The following ANK2 variants were observed in gnomAD, a reference collection of about 807,000 sequenced individuals.
The protein encoded by ANK2 is ankyrin-2.
ANK2 carries 83 observed loss-of-function variants against 360.5 expected under a neutral mutation model. That is an observed-to-expected ratio of 0.23 (90% CI 0.19 to 0.28). The LOEUF (loss-of-function observed/expected upper bound fraction) is 0.28, where lower values mean the gene tolerates loss of function less well. Ranked by LOEUF, ANK2 falls within the 10% of genes least tolerant of loss-of-function variation. The pLI, the probability that ANK2 is intolerant of heterozygous loss-of-function variation, is 1.00. For synonymous variants in ANK2, 1,740 were observed against 1,759.5 expected, an observed-to-expected ratio of 0.99 and a Z score of 0.28; for missense variants, 4,201 against 4,795.7, an observed-to-expected ratio of 0.88 and a Z score of 3.66.
chr4:112,857,258 A>G (rs528885087), intron 1 of ANK2, among the ~76,000 whole-genome samples: 3 of 152,320 alleles, frequency 2.0e-5, no homozygotes, highest in East Asian at 1.9e-4. Flanking sequence ...AACAATAGCC[A>G]TGTGGATGAA....
intron 1 of ANK2, among the ~76,000 whole-genome samples, chr4:113,155,663 G>A (rs1224677891): frequency 2.6e-5 from 4 of 152,012 alleles, no homozygotes; most frequent in Admixed American, 6.5e-5. Context: ...AAGCATAAAA[G>A]CAATGGAATA....
chr4:112,843,750 G>A (rs2062687555), intron 1 of ANK2, among the ~76,000 whole-genome samples: 1 of 152,046 alleles, frequency 6.6e-6, no homozygotes, highest in East Asian at 1.9e-4. Flanking sequence ...TTTGAGAAAT[G>A]TTGTCCTTAA....
chr4:113,345,775 A>C, intron 34 of ANK2, 125 bp from the exon 35 acceptor site: 1 of 1,307,948 alleles, frequency 7.6e-7, no homozygotes, highest in South Asian at 1.2e-5. Context: ...AAGAGAAAGG[A>C]AATCCTTTGA....
chr4:113,048,669 T>C (rs990557961), upstream of ANK2, among the ~76,000 whole-genome samples: 7 of 151,996 alleles, frequency 4.6e-5, no homozygotes, highest in African/African-American at 1.4e-4. Context: ...TTTTTTAAAA[T>C]CAAGAAGAAT....
intron 1 of ANK2, among the ~76,000 whole-genome samples, chr4:112,857,078 CAAGATTTTTGCTA>C (rs1327124475): frequency 1.1e-4 from 16 of 152,038 alleles, no homozygotes; most frequent in Admixed American, 1.0e-3. Context: ...ACTGACTTAG[CAAGATTTTTGCTA>C]AAACTGGGCT....
Position 113,286,565 on chromosome 4 carries a change from T to C in ANK2, c.2080-1040T>C, listed in dbSNP as rs1216263792. On this transcript the variant is annotated intron_variant, in intron 18 of 45. Coordinates refer to ENST00000357077, the MANE Select transcript of ANK2 (RefSeq NM_001148.6). ...GGCTTAGCTTTCTCAGCCTAAGTGC[T>C]AATGCAGGAGAGTGGGCCTGAAAAG... Among the ~76,000 whole-genome samples, 4 of 152,346 alleles carry C rather than the reference T, an allele frequency of 2.6e-5. No homozygotes were observed. In the East Asian group the frequency reaches 7.7e-4, roughly 29 times the overall value.
At chr4:112,740,523 T>G in the ANK2 span, among the ~76,000 whole-genome samples, 209 of 152,038 alleles carry the variant, frequency 1.4e-3, no homozygotes, top group Middle Eastern at 3.4e-3. Flanking sequence ...GCCAACATGG[T>G]GAAACCCTGT....
chr4:113,144,142 C>T (rs909026241), intron 1 of ANK2, among the ~76,000 whole-genome samples: 2 of 152,102 alleles, frequency 1.3e-5, no homozygotes, highest in African/African-American at 4.8e-5. Flanking sequence ...TTAAGAGATG[C>T]CTTCACCTAT....
chr4:112,721,215 G>C, the ANK2 span, among the ~76,000 whole-genome samples: 1 of 152,070 alleles, frequency 6.6e-6, no homozygotes, highest in Non-Finnish European at 1.5e-5. Context: ...GATAATGGAG[G>C]CTCCTTTATC....
chr4:113,084,025 G>T (rs895292323), intron 1 of ANK2, among the ~76,000 whole-genome samples: 5 of 152,108 alleles, frequency 3.3e-5, no homozygotes, highest in African/African-American at 1.2e-4. Flanking sequence ...ATTGTTCGGG[G>T]ACTCAAGTTT....
chr4:113,093,497 A>C (rs2089573319), intron 1 of ANK2, among the ~76,000 whole-genome samples: 1 of 151,840 alleles, frequency 6.6e-6, no homozygotes, highest in African/African-American at 2.4e-5. Flanking sequence ...CACCATTACG[A>C]CTGGCTAATT....
intron 1 of ANK2, among the ~76,000 whole-genome samples, chr4:113,074,327 C>A (rs2079020944): frequency 6.6e-6 from 1 of 152,166 alleles, no homozygotes; most frequent in Non-Finnish European, 1.5e-5. Context: ...TCAACTGTGG[C>A]TCCACATTTG....
intron 1 of ANK2, among the ~76,000 whole-genome samples, chr4:113,060,753 T>C (rs970472553): frequency 6.6e-6 from 1 of 151,730 alleles, no homozygotes; most frequent in Non-Finnish European, 1.5e-5. Flanking sequence ...AAAGTTTTTT[T>C]ATGTAGTTGT....
intron 2 of ANK2, among the ~76,000 whole-genome samples, chr4:113,178,571 CAAA>C (rs537519981): frequency 1.0e-5 from 1 of 98,164 alleles, no homozygotes. Flanking sequence ...GACTCCATCT[CAAA>C]AAAAAAAAAA....
In ANK2 at chr4:113,333,132, T is replaced by G. The variant is rs1588425694; in HGVS notation, c.3303T>G (p.Asn1101Lys). ...AACTGGTGGTCCTGCGCAGTGAGAA[T>G]GGGGACAGCTGGAAAGAGCATTTCT... ...ERELVVLRSE[N>K]GDSWKEHFCD... The change falls in exon 29 of 46, where the codon AAT (asparagine) becomes AAG (lysine). Residue 1101 changes from asparagine (N) to lysine (K), a missense_variant. By Grantham distance (94) the Asn-to-Lys change is moderately conservative. This residue lies in a region of ANK2 where 1,268 missense variants were observed against 1,650.8 expected (regional missense o/e 0.77). Coordinates refer to ENST00000357077, the MANE Select transcript of ANK2 (RefSeq NM_001148.6). 10 of 1,614,210 alleles carry G rather than the reference T, an allele frequency of 6.2e-6. No individual in the cohort carries two copies. Among genetic ancestry groups the G allele is most frequent in the Non-Finnish European group, 8.5e-6 (10 of 1,180,030 alleles).
chr4:113,069,272 G>A (rs2076708903), intron 1 of ANK2, among the ~76,000 whole-genome samples: 1 of 152,158 alleles, frequency 6.6e-6, no homozygotes, highest in Admixed American at 6.5e-5. Flanking sequence ...TAATTAGTGA[G>A]CAATTTGTTA....
At chr4:112,757,637 T>C in the ANK2 span, among the ~76,000 whole-genome samples, 1 of 152,214 alleles carries the variant, frequency 6.6e-6, no homozygotes, top group Non-Finnish European at 1.5e-5. Flanking sequence ...CAGTTTATCA[T>C]TTATTTAATA....
At chr4:112,893,924 G>A (rs2080952043) in intron 1 of ANK2, among the ~76,000 whole-genome samples, 1 of 152,186 alleles carries the variant, frequency 6.6e-6, no homozygotes, top group Non-Finnish European at 1.5e-5. Context: ...TTGAACCCAG[G>A]AGACGGAGGA....
chr4:113,289,080 G>A (rs1335343185), intron 20 of ANK2, among the ~76,000 whole-genome samples: 1 of 152,100 alleles, frequency 6.6e-6, no homozygotes, highest in Non-Finnish European at 1.5e-5. Flanking sequence ...CACTCAATGT[G>A]GTTCAAGGTG....
Sources: gnomAD v4.1 joint callset for allele counts (sites outside exome capture counted in the v4.1 genomes callset) on GRCh38, gnomAD v4.1.1 for gene constraint, gnomAD v4.1.1 regional missense constraint, MANE v1.5 for transcripts, NCBI Gene and HGNC (gene_info 2026-07-23, HGNC 2026-07-21) for gene names.